The following NNT variants were observed in gnomAD, a reference collection of about 807,000 sequenced individuals.
NNT encodes NAD(P) transhydrogenase, mitochondrial.
In NNT, 50 loss-of-function variants were observed where a neutral mutation model predicts 104.8. That is an observed-to-expected ratio of 0.48 (90% CI 0.38 to 0.60). The LOEUF (loss-of-function observed/expected upper bound fraction) is 0.60, where lower values mean the gene tolerates loss of function less well. Ranked by LOEUF, NNT falls within the 20% of genes least tolerant of loss-of-function variation. The probability of loss-of-function intolerance (pLI) is 0.00; values close to 1 mark genes in which losing one functional copy is unlikely to be tolerated. For missense variants in NNT, 1,131 were observed against 1,330.7 expected, an observed-to-expected ratio of 0.85 and a Z score of 2.33; for synonymous variants, 461 against 490.4, an observed-to-expected ratio of 0.94 and a Z score of 0.79.
At chr5:43,690,174 A>G (rs1742192802) in intron 19 of NNT, among the ~76,000 whole-genome samples, 1 of 151,940 alleles carries the variant, frequency 6.6e-6, no homozygotes, top group South Asian at 2.1e-4. Context: ...CTCAAAGAAC[A>G]CCTGGAGAAT....
At chr5:43,624,869 T>G (rs2111659535) in intron 6 of NNT, among the ~76,000 whole-genome samples, 1 of 152,342 alleles carries the variant, frequency 6.6e-6, no homozygotes, top group African/African-American at 2.4e-5. Context: ...GGAGGAATAA[T>G]ACTACTGTTA....
chr5:43,686,929 A>G (rs1440145399), intron 19 of NNT, among the ~76,000 whole-genome samples: 2 of 152,150 alleles, frequency 1.3e-5, no homozygotes, highest in Non-Finnish European at 1.5e-5. Context: ...GGCAGTGGCA[A>G]TCTAGAACTC....
intron 7 of NNT, among the ~76,000 whole-genome samples, chr5:43,629,327 G>A (rs1750551888): frequency 6.6e-6 from 1 of 152,082 alleles, no homozygotes. Context: ...TGGCTGAGTG[G>A]TATTCCATGG....
intron 17 of NNT, among the ~76,000 whole-genome samples, chr5:43,661,422 T>C (rs1324160833): frequency 6.6e-6 from 1 of 151,516 alleles, no homozygotes; most frequent in East Asian, 1.9e-4. Context: ...TATTTATTTT[T>C]ATTATACTTT....
chr5:43,622,403 C>T (rs1006542682), intron 5 of NNT, among the ~76,000 whole-genome samples: 3 of 152,128 alleles, frequency 2.0e-5, no homozygotes, highest in African/African-American at 7.2e-5. Context: ...CTGCCCTTTC[C>T]CATACTATTT....
intron 10 of NNT, chr5:43,648,192 T>C: frequency 9.3e-7 from 1 of 1,073,412 alleles, no homozygotes; most frequent in Non-Finnish European, 1.1e-6. Flanking sequence ...GGTAGGAAAA[T>C]AAATTAAAAC....
chr5:43,643,653 T>C (rs1007965551), intron 7 of NNT, among the ~76,000 whole-genome samples: 6 of 152,192 alleles, frequency 3.9e-5, no homozygotes, highest in African/African-American at 1.4e-4. Context: ...CATTTTCCTG[T>C]CTCTCCTCAA....
rs549750121 is a variant in NNT at position 43,607,005 on chromosome 5, T to C, written c.-53-2138T>C. ...GTTTTTTGTTTTTTTGTTTTTTTTTTGAGACAGAGTCTTGCTCTCTCGCCC... is the reference window on the plus strand; with the variant it reads ...GTTTTTTGTTTTTTTGTTTTTTTTTCGAGACAGAGTCTTGCTCTCTCGCCC... On this transcript the variant is annotated intron_variant, in intron 1 of 21. Transcript: ENST00000344920. Among the ~76,000 whole-genome samples the C allele has an allele frequency of 4.1e-5, 6 of 147,330 alleles. No homozygotes were observed. In the East Asian group the frequency reaches 1.2e-3, roughly 29 times the overall value.
chr5:43,671,459 G>A (rs1424689460), intron 17 of NNT, among the ~76,000 whole-genome samples: 6 of 152,318 alleles, frequency 3.9e-5, no homozygotes, highest in African/African-American at 1.4e-4. Flanking sequence ...TCCTTCAGGA[G>A]CTCTTGTAAG....
At position 43,653,102 on chromosome 5, in the gene NNT, C is replaced by T. The variant is rs2111909971; in HGVS notation, c.1948C>T (p.Leu650=). ...GGGAACAGCACGTCTTGGCAATGCA[C>T]TGGGCATGATTGGGGTTGCTGGAGG... ...TQGTARLGNA[L]GMIGVAGGLA... is the part of the protein sequence containing the mutation. Residue 650 remains leucine, a synonymous_variant, in exon 14 of 22, where the codon CTG becomes TTG. Transcript: ENST00000344920. 6.2e-7 allele frequency: 1 copy of T among 1,614,110 alleles called. No homozygotes were observed. Among genetic ancestry groups the T allele is most frequent in the Non-Finnish European group, 8.5e-7 (1 of 1,180,030 alleles).
Position 43,609,257 on chromosome 5 carries a change from G to A in NNT, c.62G>A (p.Gly21Glu). The A allele has an allele frequency of 1.9e-6, 3 of 1,613,844 alleles. No homozygotes were observed. The highest frequency in any genetic ancestry group is 2.2e-5 in the South Asian group (2 of 91,060). Reference protein sequence around the residue: ...GCSCPLLSNLGSCKGLRVKKD... With the variant: ...GCSCPLLSNLESCKGLRVKKD... Reference sequence around the variant, plus strand: ...TCGTGTCCTCTACTTAGCAATTTGGGGTCCTGTAAGGGTCTACGTGTGAAG... The same window carrying A: ...TCGTGTCCTCTACTTAGCAATTTGGAGTCCTGTAAGGGTCTACGTGTGAAG... Residue 21 changes from glycine (G) to glutamate (E), a missense_variant, in exon 2 of 22, where the codon GGG becomes GAG. Transcript: ENST00000344920.
chr5:43,679,647 A>G (rs1741598312), intron 19 of NNT, among the ~76,000 whole-genome samples: 2 of 152,374 alleles, frequency 1.3e-5, no homozygotes, highest in Admixed American at 6.5e-5. Flanking sequence ...TTAGAATTTT[A>G]TCTATGAGGA....
At chr5:43,662,115 C>T (rs1433375353) in intron 17 of NNT, among the ~76,000 whole-genome samples, 1 of 152,156 alleles carries the variant, frequency 6.6e-6, no homozygotes, top group Non-Finnish European at 1.5e-5. Context: ...TGGGTAATTT[C>T]TCATTTTATC....
chr5:43,616,371 G>A (rs1381541734), intron 4 of NNT, among the ~76,000 whole-genome samples: 1 of 152,170 alleles, frequency 6.6e-6, no homozygotes, highest in Non-Finnish European at 1.5e-5. Context: ...AAATGTGTGT[G>A]TACATGTATA....
chr5:43,655,136 A>C (rs1337960778), intron 14 of NNT, among the ~76,000 whole-genome samples: 1 of 152,178 alleles, frequency 6.6e-6, no homozygotes, highest in East Asian at 1.9e-4. Context: ...TGCTCAGGAG[A>C]AAGCACTGGC....
chr5:43,611,074 T>TCCTC (rs921275911), intron 2 of NNT, among the ~76,000 whole-genome samples: 7 of 150,894 alleles, frequency 4.6e-5, no homozygotes, highest in Admixed American at 3.3e-4. Context: ...CTTCTTTCCT[T>TCCTC]CCTCCCTCCC....
rs1385269456 is a variant in NNT at position 43,704,865 on chromosome 5, T to C, written c.*461T>C. On this transcript the variant is annotated 3_prime_UTR_variant, in exon 22 of 22. Coordinates refer to ENST00000344920, the MANE Select transcript of NNT (RefSeq NM_182977.3). ...AACAAATGTGACTAATTTGAAACTT[T>C]TATGAACTTCTGAGCTGTCCCCTTG... 6.4e-6 allele frequency: 1 copy of C among 156,414 alleles called. No homozygotes were observed. The highest frequency in any genetic ancestry group is 1.4e-5 in the Non-Finnish European group (1 of 70,738). 9.7% of individuals were successfully genotyped at this position (156,414 alleles called of 1,614,324 possible). A position where few individuals can be genotyped will look rare whatever the true frequency, so the allele number is the denominator to read the frequency against.
At chr5:43,651,713 T>C (rs781087761) in intron 12 of NNT, 26 bp from the exon 13 acceptor site, 27 of 1,613,014 alleles carry the variant, frequency 1.7e-5, no homozygotes, top group Admixed American at 3.3e-5. Context: ...AGGTACTATG[T>C]TTTTTATTTC....
chr5:43,616,715 G>T (rs1281779076), intron 4 of NNT, among the ~76,000 whole-genome samples: 1 of 152,114 alleles, frequency 6.6e-6, no homozygotes, highest in Admixed American at 6.5e-5. Context: ...TCTGCTTGGA[G>T]GAATGTGGCT....
Sources: allele counts gnomAD v4.1 joint callset (sites outside exome capture counted in the v4.1 genomes callset), GRCh38; gene constraint gnomAD v4.1.1; transcripts MANE v1.5; gene names NCBI Gene and HGNC (gene_info 2026-07-23, HGNC 2026-07-21).